The following AP3B1 variants were observed in gnomAD, a reference collection of about 807,000 sequenced individuals.
The protein encoded by AP3B1 is AP-3 complex subunit beta-1.
Under a neutral mutation model 132.5 loss-of-function variants are expected in AP3B1, and 61 were observed. The observed-to-expected ratio is 0.46, with a 90% CI of 0.37 to 0.57. The LOEUF is 0.57. Among genes scored for constraint, AP3B1 ranks in the 20% least tolerant of loss-of-function variants. The pLI is 0.00. For synonymous variants in AP3B1, 388 were observed against 438.3 expected (o/e 0.89, Z 1.43); for missense variants, 1,120 against 1,289.4 (o/e 0.87, Z 2.01).
At chr5:78,132,548 A>G (rs1421842954) in intron 15 of AP3B1, among the ~76,000 whole-genome samples, 2 of 152,246 alleles carry the variant, frequency 1.3e-5, no homozygotes, top group Non-Finnish European at 2.9e-5. Context: ...TGTGCATAAG[A>G]AAACATAGAA....
intron 15 of AP3B1, among the ~76,000 whole-genome samples, chr5:78,132,497 A>C (rs1752732808): frequency 6.6e-6 from 1 of 152,184 alleles, no homozygotes; most frequent in Non-Finnish European, 1.5e-5. Context: ...TTTTCTACTA[A>C]TGGAGCCACC....
At chr5:78,042,275 C>A (rs1259923257) in intron 22 of AP3B1, 1 of 151,270 alleles carries the variant, frequency 6.6e-6, no homozygotes, top group Non-Finnish European at 1.5e-5. Flanking sequence ...AGGGGTTTCA[C>A]TCTGTCATCC....
chr5:78,025,159 A>G (rs35037260), intron 24 of AP3B1, among the ~76,000 whole-genome samples: 47,146 of 152,132 alleles, frequency 0.31, 7,982 homozygotes, highest in Admixed American at 0.43. Context: ...AAAGTTAGGG[A>G]ACCACTGAGT....
intron 2 of AP3B1, among the ~76,000 whole-genome samples, chr5:78,261,187 C>T (rs1748075098): frequency 6.6e-6 from 1 of 152,198 alleles, no homozygotes; most frequent in African/African-American, 2.4e-5. Flanking sequence ...AACCACCATA[C>T]TGTTTTCCAC....
chr5:78,089,713 A>G (rs905898575), intron 21 of AP3B1, among the ~76,000 whole-genome samples: 2 of 152,214 alleles, frequency 1.3e-5, no homozygotes, highest in African/African-American at 4.8e-5. Context: ...TCCTATAACA[A>G]AATAAGGATA....
chr5:78,275,774 GA>G (rs1748747633), intron 1 of AP3B1, among the ~76,000 whole-genome samples: 1 of 152,198 alleles, frequency 6.6e-6, no homozygotes, highest in Non-Finnish European at 1.5e-5. Flanking sequence ...CCCCGGCCAT[GA>G]TTGGCAATTT....
At chr5:78,170,578 T>C (rs1743868269) in intron 11 of AP3B1, among the ~76,000 whole-genome samples, 1 of 152,208 alleles carries the variant, frequency 6.6e-6, no homozygotes, top group Admixed American at 6.5e-5. Flanking sequence ...TCTGTTCATA[T>C]ACTTTGCCCA....
At chr5:78,254,942 G>A (rs1747792374) in intron 2 of AP3B1, among the ~76,000 whole-genome samples, 1 of 152,110 alleles carries the variant, frequency 6.6e-6, no homozygotes, top group African/African-American at 2.4e-5. Flanking sequence ...AGGTTAAAAA[G>A]TGAGGAGACG....
At chr5:78,073,597 A>C (rs895578385) in intron 22 of AP3B1, among the ~76,000 whole-genome samples, 1 of 152,200 alleles carries the variant, frequency 6.6e-6, no homozygotes, top group Non-Finnish European at 1.5e-5. Context: ...ATAGAATTTC[A>C]GAAACTCATT....
At chr5:78,163,027 G>C in intron 12 of AP3B1, 76 bp from the exon 13 acceptor site, 1 of 1,389,526 alleles carries the variant, frequency 7.2e-7, no homozygotes, top group Non-Finnish European at 1.0e-6. Context: ...ATTAAACTTT[G>C]TCAATATATA....
chr5:78,113,805 T>C lies in AP3B1; in HGVS notation c.2196A>G (p.Ser732=). 6.2e-7 allele frequency: 1 copy of C among 1,614,212 alleles called. No individual in the cohort carries two copies. The highest frequency in any genetic ancestry group is 8.5e-7 in the Non-Finnish European group (1 of 1,180,034). The change falls in exon 19 of 27, where the codon TCA becomes TCG. Residue 732 remains serine, a synonymous_variant. Transcript: ENST00000255194. ...TGGCTGTTCTTTTGTTTTCTAGGCC[T>C]GACTCCCGTCCACTCTCACTGTCCT... ...SEQDSESGRE[S]GLENKRTAKR... is the part of the protein sequence containing the mutation.
At chr5:78,213,282 C>A (rs971965517) in intron 7 of AP3B1, among the ~76,000 whole-genome samples, 1 of 152,192 alleles carries the variant, frequency 6.6e-6, no homozygotes, top group African/African-American at 2.4e-5. Flanking sequence ...TAAATGGCTA[C>A]ACTGCTCACT....
At chr5:78,132,552 CA>C (rs1184984341) in intron 15 of AP3B1, among the ~76,000 whole-genome samples, 7 of 152,080 alleles carry the variant, frequency 4.6e-5, no homozygotes, top group Non-Finnish European at 8.8e-5. Context: ...CATAAGAAAA[CA>C]TAGAATAAAA....
intron 22 of AP3B1, among the ~76,000 whole-genome samples, chr5:78,051,769 T>A (rs1051659221): frequency 5.9e-5 from 9 of 152,138 alleles, no homozygotes; most frequent in Non-Finnish European, 1.0e-4. Context: ...TTACTTTACA[T>A]CAGTATCTAT....
chr5:78,005,434 G>T (rs1340527915), intron 26 of AP3B1, among the ~76,000 whole-genome samples: 1 of 152,192 alleles, frequency 6.6e-6, no homozygotes, highest in Non-Finnish European at 1.5e-5. Flanking sequence ...CAATTTTGGT[G>T]TCAGTATGTT....
chr5:78,052,872 T>C (rs764401641), intron 22 of AP3B1, among the ~76,000 whole-genome samples: 1 of 152,248 alleles, frequency 6.6e-6, no homozygotes, highest in Non-Finnish European at 1.5e-5. Flanking sequence ...GTTATACTAT[T>C]CATACATATG....
intron 7 of AP3B1, among the ~76,000 whole-genome samples, chr5:78,202,552 A>AGTGT (rs36209977): frequency 0.25 from 37,154 of 145,822 alleles, 4,894 homozygotes; most frequent in East Asian, 0.4. Flanking sequence ...CCATATATTC[A>AGTGT]GTGTGTGTGT....
chr5:78,088,534 C>G (rs868247931), intron 22 of AP3B1, among the ~76,000 whole-genome samples: 1 of 152,156 alleles, frequency 6.6e-6, no homozygotes, highest in East Asian at 1.9e-4. Flanking sequence ...TTAAACACTT[C>G]TTTTCTCCCA....
At chr5:78,254,965 G>A (rs1342463303) in intron 2 of AP3B1, among the ~76,000 whole-genome samples, 9 of 152,058 alleles carry the variant, frequency 5.9e-5, no homozygotes, top group South Asian at 2.1e-4. Flanking sequence ...GTTAAAGCAC[G>A]GAGTTTTTAT....
Sources: gnomAD v4.1 joint callset for allele counts (sites outside exome capture counted in the v4.1 genomes callset) on GRCh38, gnomAD v4.1.1 for gene constraint, MANE v1.5 for transcripts, NCBI Gene and HGNC (gene_info 2026-07-23, HGNC 2026-07-21) for gene names.